The following LUZP2 variants were observed in gnomAD, a reference collection of about 807,000 sequenced individuals.
LUZP2 encodes leucine zipper protein 2.
A neutral mutation model predicts 51.6 loss-of-function variants in LUZP2; 52 were observed. The observed-to-expected ratio is 1.01, with a 90% CI of 0.81 to 1.27. LUZP2 has a LOEUF of 1.27. LUZP2 is among the 50% of genes most tolerant of loss of function. The pLI is 0.00. For missense variants in LUZP2, 436 were observed against 395.4 expected, an observed-to-expected ratio of 1.10 and a Z score of -0.87; for synonymous variants, 154 against 137.3, an observed-to-expected ratio of 1.12 and a Z score of -0.85.
intron 5 of LUZP2, among the ~76,000 whole-genome samples, chr11:24,872,348 G>A (rs998840301): frequency 2.6e-5 from 4 of 152,052 alleles, no homozygotes; most frequent in Admixed American, 6.6e-5. Flanking sequence ...ATATCCATCT[G>A]GAATGATTTC....
At chr11:24,966,611 C>T (rs561588195) in intron 7 of LUZP2, among the ~76,000 whole-genome samples, 30 of 148,234 alleles carry the variant, frequency 2.0e-4, no homozygotes, top group East Asian at 1.6e-3. Flanking sequence ...ACATGCATTA[C>T]GTTTATATAT....
intron 7 of LUZP2, among the ~76,000 whole-genome samples, chr11:24,957,237 T>A (rs1855237202): frequency 1.3e-5 from 2 of 152,256 alleles, no homozygotes; most frequent in African/African-American, 4.8e-5. Context: ...AAATTGCAAA[T>A]TGGCAAATTA....
At chr11:25,000,272 C>T (rs568701767) in intron 9 of LUZP2, among the ~76,000 whole-genome samples, 8 of 152,260 alleles carry the variant, frequency 5.3e-5, no homozygotes, top group Non-Finnish European at 8.8e-5. Flanking sequence ...AAGCCCAAGC[C>T]GGCTTCACCT....
chr11:24,497,376 ACC>A, intron 1 of LUZP2, 71 bp downstream of exon 1: 1 of 1,189,646 alleles, frequency 8.4e-7, no homozygotes, highest in Non-Finnish European at 1.1e-6. Flanking sequence ...ACTGTGGGTC[ACC>A]AGTGGGGGCC....
intron 1 of LUZP2, among the ~76,000 whole-genome samples, chr11:24,584,709 T>A (rs1203967084): frequency 1.3e-5 from 2 of 152,298 alleles, no homozygotes; most frequent in Middle Eastern, 3.4e-3. Context: ...TTAGTATCCA[T>A]GGCACCTACC....
intron 1 of LUZP2, among the ~76,000 whole-genome samples, chr11:24,567,597 G>A (rs953929924): frequency 2.6e-5 from 4 of 152,010 alleles, no homozygotes; most frequent in South Asian, 2.1e-4. Context: ...GACTCATCAT[G>A]TATAAGGTAA....
chr11:24,820,925 G>T (rs1850339752), intron 5 of LUZP2, among the ~76,000 whole-genome samples: 1 of 152,096 alleles, frequency 6.6e-6, no homozygotes, highest in African/African-American at 2.4e-5. Context: ...TGACATCAGT[G>T]GATGATCTGA....
At chr11:24,994,067 A>G (rs2133930739) in intron 9 of LUZP2, among the ~76,000 whole-genome samples, 1 of 151,784 alleles carries the variant, frequency 6.6e-6, no homozygotes, top group East Asian at 1.9e-4. Context: ...CACCATGTTA[A>G]TCAGTCTGGT....
chr11:24,507,868 T>C (rs987680482), intron 1 of LUZP2, among the ~76,000 whole-genome samples: 5 of 151,996 alleles, frequency 3.3e-5, no homozygotes, highest in Admixed American at 1.3e-4. Context: ...TTCTAAGAAA[T>C]GTGTGAATTA....
intron 1 of LUZP2, among the ~76,000 whole-genome samples, chr11:24,692,763 A>T (rs1857115586): frequency 6.6e-6 from 1 of 152,030 alleles, no homozygotes; most frequent in African/African-American, 2.4e-5. Context: ...GGTTGACACA[A>T]ATTAAACTAA....
chr11:24,529,874 T>A (rs1250801593), intron 1 of LUZP2, among the ~76,000 whole-genome samples: 1 of 150,968 alleles, frequency 6.6e-6, no homozygotes, highest in Non-Finnish European at 1.5e-5. Context: ...CAATATTTGA[T>A]CTAATAGGTT....
At chr11:24,627,576 C>T (rs934558115) in intron 1 of LUZP2, among the ~76,000 whole-genome samples, 3 of 152,070 alleles carry the variant, frequency 2.0e-5, no homozygotes, top group Non-Finnish European at 2.9e-5. Flanking sequence ...TTTGCTTTAC[C>T]GAGTAGAGGC....
At chr11:24,788,763 C>T (rs1008237446) in intron 5 of LUZP2, among the ~76,000 whole-genome samples, 2 of 152,098 alleles carry the variant, frequency 1.3e-5, no homozygotes, top group Admixed American at 1.3e-4. Context: ...AAAGCTAATA[C>T]TGCAGTTCAG....
At chr11:24,761,420 C>T (rs1442112006) in intron 4 of LUZP2, among the ~76,000 whole-genome samples, 2 of 152,156 alleles carry the variant, frequency 1.3e-5, no homozygotes, top group African/African-American at 4.8e-5. Context: ...GTCCTAGCTC[C>T]AGTGTTAAGG....
chr11:24,756,047 C>T (rs1362508143), intron 4 of LUZP2, among the ~76,000 whole-genome samples: 1 of 152,084 alleles, frequency 6.6e-6, no homozygotes, highest in Non-Finnish European at 1.5e-5. Context: ...TATATAATAA[C>T]AACCTTGGCT....
chr11:24,516,745 A>G (rs1436454697), intron 1 of LUZP2, among the ~76,000 whole-genome samples: 4 of 152,202 alleles, frequency 2.6e-5, no homozygotes, highest in Non-Finnish European at 4.4e-5. Context: ...ATATTTTACA[A>G]AACAATGTAG....
intron 5 of LUZP2, chr11:24,891,599 A>G (rs1852854529): frequency 1.2e-6 from 1 of 810,660 alleles, no homozygotes; most frequent in African/African-American, 1.8e-5. Context: ...CCAGACTAAT[A>G]AAGGTGACGG....
At chr11:25,024,081 G>A (rs997604061) in intron 9 of LUZP2, among the ~76,000 whole-genome samples, 8 of 152,132 alleles carry the variant, frequency 5.3e-5, no homozygotes, top group Non-Finnish European at 8.8e-5. Flanking sequence ...GAGTAAGTGC[G>A]ATGTGGTGCT....
chr11:24,937,760 G>C (rs569269856), intron 7 of LUZP2, among the ~76,000 whole-genome samples: 1 of 152,160 alleles, frequency 6.6e-6, no homozygotes, highest in African/African-American at 2.4e-5. Flanking sequence ...AATTAGCCGG[G>C]CGTGGTGGCG....
Sources: allele counts gnomAD v4.1 joint callset (sites outside exome capture counted in the v4.1 genomes callset), GRCh38; gene constraint gnomAD v4.1.1; transcripts MANE v1.5; gene names NCBI Gene and HGNC (gene_info 2026-07-23, HGNC 2026-07-21).